The following OR8B2 variants were observed in gnomAD, a reference collection of about 807,000 sequenced individuals.
OR8B2 encodes the protein olfactory receptor 8B2.
For missense variants in OR8B2, 304 were observed against 379.6 expected (o/e 0.80, Z 1.65); for synonymous variants, 98 against 138.2 (o/e 0.71, Z 2.04).
At position 124,384,018 on chromosome 11, in the gene OR8B2, G is replaced by A. The variant is rs199697432; in HGVS notation, c.-18+356C>T. The stretch of plus-strand genomic sequence containing the variant: ...ACAGGTCTTTGTAGGAAGGCATAAG[G>A]GAAACATAATTAATTTGGGTACAGT... On this transcript the variant is annotated intron_variant, in intron 1 of 1. Coordinates refer to ENST00000641451, the MANE Select transcript of OR8B2 (RefSeq NM_001005468.2). Among the ~76,000 whole-genome samples, 383 of 150,434 alleles carry A rather than the reference G, an allele frequency of 2.5e-3. 4 individuals are homozygous for A. Among genetic ancestry groups the A allele is most frequent in the African/African-American group, 8.2e-3 (335 of 40,680 alleles).
the OR8B2 span, among the ~76,000 whole-genome samples, chr11:124,395,323 C>A: frequency 6.6e-6 from 1 of 152,058 alleles, no homozygotes; most frequent in Non-Finnish European, 1.5e-5. Flanking sequence ...ACAACTATTT[C>A]TTGATTTTAC....
chr11:124,384,818 A>G (rs1344194395), upstream of OR8B2, among the ~76,000 whole-genome samples: 1 of 152,236 alleles, frequency 6.6e-6, no homozygotes. Context: ...CAGGGATTAT[A>G]CAATCCACAG....
Position 124,382,452 on chromosome 11 carries a change from C to T in OR8B2, c.892G>A (p.Val298Ile), listed in dbSNP as rs1010227030. 3.7e-6 allele frequency: 6 copies of T among 1,613,464 alleles called. No homozygotes were observed. Among genetic ancestry groups the T allele is most frequent in the South Asian group, 1.1e-5 (1 of 90,872 alleles). Residue 298 changes from valine to isoleucine, a missense_variant, in exon 2 of 2, where the codon GTT becomes ATT. Transcript: ENST00000641451. ...IYSLRNKDVK[V>I]ALRKALIKIQ... is the part of the protein sequence containing the mutation. ...TTAATCAGAGCTTTCCTCAGTGCAA[C>T]TTTGACATCCTTGTTCCTCAAACTG... is the stretch of plus-strand genomic sequence containing the variant.
chr11:124,383,396 G>C, intron 1 of OR8B2, 36 bp from the exon 2 acceptor site: 1 of 1,484,732 alleles, frequency 6.7e-7, no homozygotes, highest in Non-Finnish European at 9.1e-7. Flanking sequence ...TAGGAACACA[G>C]ATTTCTTTTT....
At chr11:124,394,021 C>T in the OR8B2 span, among the ~76,000 whole-genome samples, 765 of 145,800 alleles carry the variant, frequency 5.2e-3, 7 homozygotes, top group African/African-American at 0.018. Context: ...AACCAAACAC[C>T]GCGTATTCTC....
Position 124,383,312 on chromosome 11 carries a change from T to A in OR8B2, c.32A>T (p.Glu11Val), listed in dbSNP as rs142528588. The A allele has an allele frequency of 5.7e-5, 92 of 1,613,442 alleles. No individual in the cohort carries two copies. The highest frequency in any genetic ancestry group is 5.5e-4 in the African/African-American group (41 of 75,030). MLARNNSLVT[E>V]FILAGLTDHP... ...ATCTGTTAATCCAGCAAGAATAAAT[T>A]CAGTCACTAAGGAGTTGTTTCTAGC... The change falls in exon 2 of 2, where the codon GAA becomes GTA. Residue 11 changes from glutamate (E) to valine (V), a missense_variant. Glu to Val is a moderately radical substitution (Grantham distance 121). Coordinates refer to ENST00000641451, the MANE Select transcript of OR8B2 (RefSeq NM_001005468.2).
the OR8B2 span, chr11:124,396,352 G>C: frequency 7.1e-7 from 1 of 1,407,902 alleles, no homozygotes; most frequent in South Asian, 1.4e-5. Context: ...TCTCTTCATG[G>C]AACACACTAA....
At chr11:124,385,258 G>A (rs1370937886), upstream of OR8B2, among the ~76,000 whole-genome samples, 2 of 152,020 alleles carry the variant, frequency 1.3e-5, no homozygotes, top group Non-Finnish European at 2.9e-5. Flanking sequence ...GAATTTCCCG[G>A]TAGGTAGGAA....
upstream of OR8B2, among the ~76,000 whole-genome samples, chr11:124,385,702 C>T (rs1860688426): frequency 1.3e-5 from 2 of 150,822 alleles, no homozygotes; most frequent in South Asian, 2.1e-4. Context: ...GCAATCACAG[C>T]TCACTGCAGC....
the OR8B2 span, chr11:124,396,254 C>G: frequency 1.3e-6 from 1 of 778,978 alleles, no homozygotes; most frequent in South Asian, 2.4e-5. Context: ...GATGCAAAAC[C>G]AAAAAAAGAG....
At chr11:124,396,460 C>T in the OR8B2 span, 1 of 1,613,584 alleles carries the variant, frequency 6.2e-7, no homozygotes, top group Non-Finnish European at 8.5e-7. Flanking sequence ...CTCAGTGCAA[C>T]TTTGACATCC....
chr11:124,394,247 TATA>T, the OR8B2 span, among the ~76,000 whole-genome samples: 1 of 148,264 alleles, frequency 6.7e-6, no homozygotes, highest in African/African-American at 2.6e-5. Flanking sequence ...AAACTTAAAG[TATA>T]ATAATAATAA....
chr11:124,386,160 T>C (rs1041523746), upstream of OR8B2, among the ~76,000 whole-genome samples: 4 of 138,970 alleles, frequency 2.9e-5, no homozygotes, highest in African/African-American at 1.2e-4. Context: ...CTGGGAGTTG[T>C]TCTAATTCTA....
the OR8B2 span, among the ~76,000 whole-genome samples, chr11:124,394,097 G>T: frequency 4.4e-5 from 5 of 113,900 alleles, no homozygotes; most frequent in African/African-American, 1.0e-4. Flanking sequence ...ACACTCTGGG[G>T]ACTGTTGTGG....
At position 124,382,488 on chromosome 11, in the gene OR8B2, G is replaced by C. The variant is rs1860607793; in HGVS notation, c.856C>G (p.Pro286Ala). 2 of 1,614,046 alleles carry C rather than the reference G, an allele frequency of 1.2e-6. No individual in the cohort carries two copies. Among genetic ancestry groups the C allele is most frequent in the Non-Finnish European group, 1.7e-6 (2 of 1,179,986 alleles). Residue 286 changes from proline to alanine, a missense_variant, in exon 2 of 2, where the codon CCC (proline) becomes GCC (alanine). Physicochemically the swap from Pro to Ala is conservative, Grantham distance 27. Coordinates refer to ENST00000641451, the MANE Select transcript of OR8B2 (RefSeq NM_001005468.2). ...FYTNVVPMLN[P>A]LIYSLRNKDV... ...TTGTTCCTCAAACTGTAGATGAGGG[G>C]ATTGAGCATGGGCACCACATTAGTG...
Position 124,382,706 on chromosome 11 carries a change from G to T in OR8B2, c.638C>A (p.Thr213Asn). The change falls in exon 2 of 2, where the codon ACC (threonine) becomes AAC (asparagine). Residue 213 changes from threonine (T) to asparagine (N), a missense_variant. Coordinates refer to ENST00000641451, the MANE Select transcript of OR8B2 (RefSeq NM_001005468.2). ...VGTNITVPSC[T>N]ILISYVFIVT... ...AATGAAAACATAAGAAATGAGGATGGTACAACTGGGTACCGTGATATTAGT... is the reference window on the plus strand; with the variant it reads ...AATGAAAACATAAGAAATGAGGATGTTACAACTGGGTACCGTGATATTAGT... The T allele has an allele frequency of 1.2e-6, 2 of 1,613,852 alleles. No homozygotes were observed. Among genetic ancestry groups the T allele is most frequent in the East Asian group, 2.2e-5 (1 of 44,882 alleles).
At position 124,382,814 on chromosome 11, in the gene OR8B2, T is replaced by G. The variant is rs1860620456; in HGVS notation, c.530A>C (p.Tyr177Ser). Reference sequence around the variant, plus strand: ...GAGGAGGGGGAGTATGTCACACAAGTAATGGTTGATGATATTAGCACTGCA... The same window carrying G: ...GAGGAGGGGGAGTATGTCACACAAGGAATGGTTGATGATATTAGCACTGCA... The part of the protein sequence containing the change: ...TFCSANIINH[Y>S]LCDILPLLQL... The change falls in exon 2 of 2, where the codon TAC (tyrosine) becomes TCC (serine). Residue 177 changes from tyrosine to serine, a missense_variant. Tyr to Ser is a moderately radical substitution (Grantham distance 144). Transcript: ENST00000641451. 1.2e-6 allele frequency: 2 copies of G among 1,604,328 alleles called. No individual in the cohort carries two copies. Among genetic ancestry groups the G allele is most frequent in the East Asian group, 4.5e-5 (2 of 44,802 alleles).
upstream of OR8B2, among the ~76,000 whole-genome samples, chr11:124,389,087 G>T (rs903943892): frequency 6.6e-6 from 1 of 151,988 alleles, no homozygotes; most frequent in Non-Finnish European, 1.5e-5. Context: ...GCCTCCCAAG[G>T]TGCTGGGATT....
the OR8B2 span, among the ~76,000 whole-genome samples, chr11:124,393,846 G>C: frequency 6.6e-6 from 1 of 150,742 alleles, no homozygotes; most frequent in Non-Finnish European, 1.5e-5. Context: ...CAAAGACTTG[G>C]AACCAACCCA....
Sources: gnomAD v4.1 joint callset for allele counts (sites outside exome capture counted in the v4.1 genomes callset) on GRCh38, gnomAD v4.1.1 for gene constraint, MANE v1.5 for transcripts, NCBI Gene and HGNC (gene_info 2026-07-23, HGNC 2026-07-21) for gene names.